The following SLC30A6 variants were observed in gnomAD, a reference collection of about 807,000 sequenced individuals.
SLC30A6 encodes solute carrier family 30 member 6.
SLC30A6 carries 55 observed loss-of-function variants against 63.0 expected under a neutral mutation model. The observed-to-expected ratio is 0.87, with a 90% CI of 0.70 to 1.09. The LOEUF (loss-of-function observed/expected upper bound fraction) is 1.09. Among genes scored for constraint, SLC30A6 ranks in the 50% least tolerant of loss-of-function variants. The pLI, the probability that SLC30A6 is intolerant of heterozygous loss-of-function variation, is 0.00. For synonymous variants in SLC30A6, 224 were observed against 186.1 expected (o/e 1.20, Z -1.66); for missense variants, 587 against 549.2 (o/e 1.07, Z -0.69).
intron 13 of SLC30A6, among the ~76,000 whole-genome samples, chr2:32,212,829 C>A (rs1256214505): frequency 1.3e-5 from 2 of 150,486 alleles, no homozygotes; most frequent in East Asian, 3.9e-4. Flanking sequence ...AACTTCTGAC[C>A]TCAGGTGATC....
At chr2:32,216,643 T>G (rs927626818) in intron 13 of SLC30A6, among the ~76,000 whole-genome samples, 5 of 152,092 alleles carry the variant, frequency 3.3e-5, no homozygotes, top group Non-Finnish European at 7.4e-5. Flanking sequence ...TGGTTTTGAT[T>G]TGCATTTCTC....
chr2:32,210,481 C>T (rs1238921941), intron 13 of SLC30A6, among the ~76,000 whole-genome samples: 24 of 131,682 alleles, frequency 1.8e-4, no homozygotes, highest in Non-Finnish European at 3.4e-4. Flanking sequence ...CGCCATTGCA[C>T]TCTAGCCTGG....
At position 32,222,214 on chromosome 2, in the gene SLC30A6, A is replaced by G. The variant is rs1355247897; in HGVS notation, c.*1501A>G. 1.3e-5 allele frequency: 2 copies of G among 152,192 alleles called. No individual in the cohort carries two copies. Among genetic ancestry groups the G allele is most frequent in the Non-Finnish European group, 2.9e-5 (2 of 68,026 alleles). 9.4% of individuals were successfully genotyped at this position (152,192 alleles called of 1,614,324 possible). On this transcript the variant is annotated 3_prime_UTR_variant, in exon 14 of 14. Coordinates refer to ENST00000282587, the MANE Select transcript of SLC30A6 (RefSeq NM_017964.5). ...TTCTAACATGGCTAGTATTACTTCC[A>G]AAAAGTATAACAAGCAGCAGTCACA...
chr2:32,197,669 T>G (rs1683915311), intron 9 of SLC30A6, 38 bp from the exon 10 acceptor site: 1 of 1,612,152 alleles, frequency 6.2e-7, no homozygotes, highest in Non-Finnish European at 8.5e-7. Flanking sequence ...TTATGTGAGT[T>G]CTGCTAATGG....
At chr2:32,180,284 TC>T (rs1024959108) in intron 4 of SLC30A6, among the ~76,000 whole-genome samples, 4 of 151,874 alleles carry the variant, frequency 2.6e-5, no homozygotes, top group African/African-American at 9.7e-5. Context: ...ACACCTGTAA[TC>T]CCAGCTACTC....
rs1684487146 is a variant in SLC30A6 at position 32,203,636 on chromosome 2, G to A, written c.666-954G>A. Reference sequence around the variant, plus strand: ...TGGAAAGAACTTAACAGAAAGCTGAGTAGTAATGCAGTGTCTCAGATTACC... The same window carrying A: ...TGGAAAGAACTTAACAGAAAGCTGAATAGTAATGCAGTGTCTCAGATTACC... On this transcript the variant is annotated intron_variant, in intron 10 of 13. Coordinates refer to ENST00000282587, the MANE Select transcript of SLC30A6 (RefSeq NM_017964.5). 3.8e-6 allele frequency: 6 copies of A among 1,572,822 alleles called. No homozygotes were observed. The East Asian group carries it at 8.9e-5, about 23-fold the overall frequency.
At chr2:32,170,280 A>C (rs1035560412) in intron 1 of SLC30A6, among the ~76,000 whole-genome samples, 4 of 152,194 alleles carry the variant, frequency 2.6e-5, no homozygotes, top group Non-Finnish European at 5.9e-5. Context: ...AGGGTGAAAC[A>C]TTACCTTGAT....
At chr2:32,202,938 G>T in intron 10 of SLC30A6, 1 of 1,123,262 alleles carries the variant, frequency 8.9e-7, no homozygotes, top group South Asian at 1.2e-5. Flanking sequence ...AGTTACTGGA[G>T]ATGTCCTTCA....
chr2:32,212,146 G>C (rs1685307506), intron 13 of SLC30A6, among the ~76,000 whole-genome samples: 1 of 151,746 alleles, frequency 6.6e-6, no homozygotes. Flanking sequence ...GTCTCTTAAA[G>C]TATACCTGTA....
rs114975842 is a variant in SLC30A6, at chr2:32,169,331, G to A, written c.4-1956G>A. ...CTACAGGCATGTACCACTATGCCTGGCTAATTTTTTTCTTTTCAATTTTTT... is the reference window on the plus strand; with the variant it reads ...CTACAGGCATGTACCACTATGCCTGACTAATTTTTTTCTTTTCAATTTTTT... On this transcript the variant is annotated intron_variant, in intron 1 of 13. Transcript: ENST00000282587. Among the ~76,000 whole-genome samples the A allele has an allele frequency of 6.5e-3, 982 of 152,124 alleles. 14 individuals carry two copies. Among genetic ancestry groups the A allele is most frequent in the African/African-American group, 0.023 (949 of 41,504 alleles).
chr2:32,217,548 T>C (rs1685813904), intron 13 of SLC30A6, among the ~76,000 whole-genome samples: 1 of 152,242 alleles, frequency 6.6e-6, no homozygotes, highest in African/African-American at 2.4e-5. Flanking sequence ...CTATTTGGGC[T>C]CTTTTTTGGT....
chr2:32,217,343 A>G (rs1050227228), intron 13 of SLC30A6, among the ~76,000 whole-genome samples: 5 of 152,038 alleles, frequency 3.3e-5, no homozygotes, highest in African/African-American at 9.7e-5. Flanking sequence ...CCCACTGCCT[A>G]TTTTTGTTGA....
intron 13 of SLC30A6, among the ~76,000 whole-genome samples, chr2:32,210,521 A>AC (rs1685168383): frequency 1.1e-5 from 1 of 88,804 alleles, no homozygotes. Context: ...TCTCCAAAAA[A>AC]AAAAAAAAAA....
chr2:32,197,810 A>G lies in SLC30A6; in HGVS notation c.649A>G (p.Met217Val). 4 of 1,613,836 alleles carry G rather than the reference A, an allele frequency of 2.5e-6. No homozygotes were observed. Among genetic ancestry groups the G allele is most frequent in the Non-Finnish European group, 3.4e-6 (4 of 1,179,940 alleles). ...AGAFALCITY[M>V]LIEINNYFAV... ...AGCATTTGCTCTTTGTATTACATAT[A>G]TGCTCATTGAAATTAAGTGAGTATT... Residue 217 changes from methionine (M) to valine (V), a missense_variant, in exon 10 of 14, where the codon ATG (methionine) becomes GTG (valine). Coordinates refer to ENST00000282587, the MANE Select transcript of SLC30A6 (RefSeq NM_017964.5).
intron 8 of SLC30A6, among the ~76,000 whole-genome samples, chr2:32,195,182 C>A (rs1683674469): frequency 6.6e-6 from 1 of 150,450 alleles, no homozygotes; most frequent in South Asian, 2.1e-4. Flanking sequence ...TCACTGCAAC[C>A]TCTGCCTCCT....
intron 5 of SLC30A6, among the ~76,000 whole-genome samples, chr2:32,186,996 CAAAAAAAAAAA>C (rs760128005): frequency 1.2e-4 from 6 of 51,312 alleles, no homozygotes; most frequent in Admixed American, 1.0e-3. Flanking sequence ...ACGCTGTCTC[CAAAAAAAAAAA>C]AAAAAAAAGA....
chr2:32,171,540 TGTTAA>T (rs1414268318), intron 2 of SLC30A6, among the ~76,000 whole-genome samples, 167 bp downstream of exon 2: 1 of 152,182 alleles, frequency 6.6e-6, no homozygotes, highest in Non-Finnish European at 1.5e-5. Context: ...AGTTGTTTGG[TGTTAA>T]GTTGTTTTAC....
rs372019832 is a variant in SLC30A6, at chr2:32,167,266, G to C, written c.3+1363G>C. Among the ~76,000 whole-genome samples, 230 of 152,088 alleles carry C rather than the reference G, an allele frequency of 1.5e-3. 9 individuals are homozygous for C. In the South Asian group the frequency reaches 0.046, roughly 30 times the overall value. On this transcript the variant is annotated intron_variant, in intron 1 of 13. Transcript: ENST00000282587. ...AATTTTGTATTTTTAGTAGAGACGG[G>C]GTTTCTCCATGTTGGTCAGGCTGAT...
At chr2:32,216,286 A>C (rs1685694257) in intron 13 of SLC30A6, among the ~76,000 whole-genome samples, 1 of 152,178 alleles carries the variant, frequency 6.6e-6, no homozygotes, top group South Asian at 2.1e-4. Context: ...CTGTAATCCC[A>C]GCACTTTGGG....
Sources: gnomAD v4.1 joint callset for allele counts (sites outside exome capture counted in the v4.1 genomes callset) on GRCh38, gnomAD v4.1.1 for gene constraint, MANE v1.5 for transcripts, NCBI Gene and HGNC (gene_info 2026-07-23, HGNC 2026-07-21) for gene names.